VAV3: variants seen among roughly 807,000 people sequenced by gnomAD.
VAV3 encodes the protein guanine nucleotide exchange factor VAV3.
VAV3 carries 94 observed loss-of-function variants against 131.2 expected under a neutral mutation model. The ratio of observed to expected loss-of-function variants is 0.72; its 90% confidence interval spans 0.61 to 0.85. The LOEUF (loss-of-function observed/expected upper bound fraction) is 0.85, where lower values mean the gene tolerates loss of function less well. Ranked by LOEUF, VAV3 falls within the 40% of genes least tolerant of loss-of-function variation. The probability of loss-of-function intolerance (pLI) is 0.00; values close to 1 mark genes in which losing one functional copy is unlikely to be tolerated. For missense variants in VAV3, 939 were observed against 1,002.7 expected (o/e 0.94, Z 0.86); for synonymous variants, 349 against 342.0 (o/e 1.02, Z -0.22).
At position 107,779,569 on chromosome 1, in the gene VAV3, C is replaced by A. The variant is rs994205588; in HGVS notation, c.322-77G>T. ...TTTCTTTTTCCAAAATTTTTTCAATCTAATATTAACCATAGCAGCAGAAAC... is the reference window on the plus strand; with the variant it reads ...TTTCTTTTTCCAAAATTTTTTCAATATAATATTAACCATAGCAGCAGAAAC... On this transcript the variant is annotated intron_variant, in intron 2 of 26. Transcript: ENST00000370056. 22 of 1,157,844 alleles carry A rather than the reference C, an allele frequency of 1.9e-5. No homozygotes were observed. The African/African-American group carries it at 3.0e-4, about 16-fold the overall frequency. 71.7% of individuals were successfully genotyped at this position (1,157,844 alleles called of 1,614,324 possible).
chr1:107,958,488 G>A (rs1259599432), intron 1 of VAV3, among the ~76,000 whole-genome samples: 1 of 152,174 alleles, frequency 6.6e-6, no homozygotes, highest in Non-Finnish European at 1.5e-5. Flanking sequence ...TTTTAGGAAT[G>A]CTGCATCACC....
At chr1:107,719,432 A>C (rs1661343950) in intron 15 of VAV3, among the ~76,000 whole-genome samples, 2 of 152,340 alleles carry the variant, frequency 1.3e-5, no homozygotes, top group African/African-American at 4.8e-5. Context: ...GAAGACATTT[A>C]TTTATGCAGC....
At chr1:107,764,739 G>A (rs188746179) in intron 9 of VAV3, among the ~76,000 whole-genome samples, 52 of 152,128 alleles carry the variant, frequency 3.4e-4, no homozygotes, top group Non-Finnish European at 4.7e-4. Context: ...TATCTCACTC[G>A]TCCTGCACTT....
intron 19 of VAV3, among the ~76,000 whole-genome samples, chr1:107,677,106 T>C (rs1658265325): frequency 6.6e-6 from 1 of 152,226 alleles, no homozygotes; most frequent in African/African-American, 2.4e-5. Context: ...GATTTGAATA[T>C]GCTGAAAGAT....
intron 1 of VAV3, among the ~76,000 whole-genome samples, chr1:107,960,238 C>A: frequency 6.6e-6 from 1 of 152,124 alleles, no homozygotes; most frequent in East Asian, 1.9e-4. Context: ...GAGGCCAAGG[C>A]GGGTGGACTG....
chr1:107,613,985 T>C (rs1652950052), intron 21 of VAV3, among the ~76,000 whole-genome samples: 1 of 152,188 alleles, frequency 6.6e-6, no homozygotes, highest in African/African-American at 2.4e-5. Context: ...CTGGTATGAA[T>C]TCCAGCCCTT....
intron 20 of VAV3, among the ~76,000 whole-genome samples, chr1:107,628,511 T>C (rs1000048423): frequency 6.6e-6 from 1 of 152,150 alleles, no homozygotes; most frequent in Non-Finnish European, 1.5e-5. Flanking sequence ...TGACTAGAAA[T>C]GCTTCCTTCC....
chr1:107,874,804 T>A, intron 2 of VAV3, 97 bp downstream of exon 2: 1 of 1,094,604 alleles, frequency 9.1e-7, no homozygotes, highest in Non-Finnish European at 1.4e-6. Flanking sequence ...TGCAGATACA[T>A]AAACCACTTA....
At chr1:107,884,326 A>G (rs1670921933) in intron 1 of VAV3, among the ~76,000 whole-genome samples, 1 of 151,380 alleles carries the variant, frequency 6.6e-6, no homozygotes, top group Non-Finnish European at 1.5e-5. Flanking sequence ...ATTACACACT[A>G]CATGCCTGTA....
intron 2 of VAV3, among the ~76,000 whole-genome samples, chr1:107,869,288 AATAGT>A (rs1252996307): frequency 1.3e-5 from 2 of 152,192 alleles, no homozygotes; most frequent in Admixed American, 6.5e-5. Context: ...AATAAAATAA[AATAGT>A]GCTATACAAC....
intron 2 of VAV3, among the ~76,000 whole-genome samples, chr1:107,814,138 T>C (rs747688119): frequency 1.3e-5 from 2 of 152,258 alleles, no homozygotes; most frequent in African/African-American, 2.4e-5. Context: ...TCCTTTGATA[T>C]ACTTTTTTTC....
chr1:107,695,207 T>G (rs1234118771), intron 17 of VAV3, among the ~76,000 whole-genome samples: 1 of 152,142 alleles, frequency 6.6e-6, no homozygotes, highest in Non-Finnish European at 1.5e-5. Context: ...CTTAGAGCTT[T>G]GTAGGCCATA....
At chr1:107,815,880 G>T (rs67778148) in intron 2 of VAV3, among the ~76,000 whole-genome samples, 42,531 of 151,990 alleles carry the variant, frequency 0.28, 6,920 homozygotes, top group Non-Finnish European at 0.37. Flanking sequence ...CCCGTGGCGG[G>T]GTGTGGAGGG....
At chr1:107,901,432 C>T (rs1671851574) in intron 1 of VAV3, among the ~76,000 whole-genome samples, 1 of 152,190 alleles carries the variant, frequency 6.6e-6, no homozygotes, top group Non-Finnish European at 1.5e-5. Flanking sequence ...TTAGATCCCA[C>T]TAAGTTCCTT....
At chr1:107,625,585 C>G (rs147200913) in intron 20 of VAV3, among the ~76,000 whole-genome samples, 5 of 152,088 alleles carry the variant, frequency 3.3e-5, no homozygotes, top group Admixed American at 1.3e-4. Context: ...AATCTGATAG[C>G]ATTTATTTAC....
intron 15 of VAV3, among the ~76,000 whole-genome samples, chr1:107,732,964 G>C (rs547943037): frequency 1.3e-5 from 2 of 152,190 alleles, no homozygotes; most frequent in Non-Finnish European, 2.9e-5. Flanking sequence ...CCTAGTAGGG[G>C]CTGACTGATA....
chr1:107,955,752 T>C (rs939516277), intron 1 of VAV3, among the ~76,000 whole-genome samples: 4 of 151,990 alleles, frequency 2.6e-5, no homozygotes, highest in African/African-American at 9.7e-5. Flanking sequence ...AGGTCAGGAG[T>C]ACAAAGTGGA....
intron 2 of VAV3, among the ~76,000 whole-genome samples, chr1:107,866,492 C>G (rs1362183758): frequency 6.6e-6 from 1 of 152,012 alleles, no homozygotes; most frequent in Non-Finnish European, 1.5e-5. Flanking sequence ...ATGAGTACCT[C>G]AACTAAAGGC....
chr1:107,798,249 T>G (rs879939223), intron 2 of VAV3, among the ~76,000 whole-genome samples: 3 of 152,150 alleles, frequency 2.0e-5, no homozygotes, highest in Non-Finnish European at 4.4e-5. Flanking sequence ...GCTAGATTGT[T>G]CAAGATGGTC....
Sources: gnomAD v4.1 joint callset for allele counts (sites outside exome capture counted in the v4.1 genomes callset) on GRCh38, gnomAD v4.1.1 for gene constraint, MANE v1.5 for transcripts, NCBI Gene and HGNC (gene_info 2026-07-23, HGNC 2026-07-21) for gene names.